The following SNX8 variants were observed in gnomAD, a reference collection of about 807,000 sequenced individuals.
The protein encoded by SNX8 is sorting nexin 8.
SNX8 carries 25 observed loss-of-function variants against 51.6 expected under a neutral mutation model. The ratio of observed to expected loss-of-function variants is 0.48; its 90% CI spans 0.35 to 0.68. The LOEUF (loss-of-function observed/expected upper bound fraction) is 0.68. Among genes scored for constraint, SNX8 ranks in the 30% least tolerant of loss-of-function variants. The pLI is 0.00. For missense variants in SNX8, 695 were observed against 624.0 expected (o/e 1.11, Z -1.21); for synonymous variants, 324 against 277.0 (o/e 1.17, Z -1.68).
chr7:2,348,327 T>A (rs1779072014), intron 1 of SNX8, among the ~76,000 whole-genome samples: 1 of 140,354 alleles, frequency 7.1e-6, no homozygotes, highest in Non-Finnish European at 1.5e-5. Flanking sequence ...ATCTTTTTCT[T>A]TTCTTTCTTT....
chr7:2,267,020 G>A (rs4721527), intron 5 of SNX8, among the ~76,000 whole-genome samples: 47,623 of 152,198 alleles, frequency 0.31, 8,694 homozygotes, highest in East Asian at 0.56. Context: ...CGAGGTGCCT[G>A]GAGGGCCTGA....
At chr7:2,273,829 G>A (rs370628408) in intron 3 of SNX8, among the ~76,000 whole-genome samples, 12 of 151,896 alleles carry the variant, frequency 7.9e-5, no homozygotes, top group African/African-American at 1.9e-4. Flanking sequence ...GCGTGAACCC[G>A]GGAGGCGGAG....
chr7:2,273,584 TCAAAAACAAAAA>T (rs1178218626), intron 3 of SNX8, among the ~76,000 whole-genome samples: 8 of 137,932 alleles, frequency 5.8e-5, no homozygotes, highest in Non-Finnish European at 1.2e-4. Context: ...AGTCTTCGTC[TCAAAAACAAAAA>T]CAAAAACAAA....
chr7:2,321,709 C>T (rs1197145520), intron 1 of SNX8, among the ~76,000 whole-genome samples: 3 of 140,144 alleles, frequency 2.1e-5, no homozygotes, highest in Admixed American at 1.5e-4. Context: ...CCACCGCGCC[C>T]GGCCTTTTTT....
intron 1 of SNX8, among the ~76,000 whole-genome samples, chr7:2,334,525 C>G (rs1025050673): frequency 6.6e-6 from 1 of 151,944 alleles, no homozygotes; most frequent in Non-Finnish European, 1.5e-5. Flanking sequence ...CAGTGAAACA[C>G]TGTCTCTGCT....
chr7:2,346,921 CAAAAA>C (rs758069233), intron 1 of SNX8, among the ~76,000 whole-genome samples: 1 of 49,772 alleles, frequency 2.0e-5, no homozygotes, highest in Non-Finnish European at 5.0e-5. Flanking sequence ...GACTCCGTCT[CAAAAA>C]AAAAAAAAAA....
Position 2,353,350 on chromosome 7 carries a change from C to T in SNX8, c.-66+872G>A, listed in dbSNP as rs576157259. On this transcript the variant is annotated intron_variant, in intron 1 of 5. Coordinates refer to the SNX8 transcript ENST00000435336. ...CAGCGGCGCTGTGATTATGCCACCG[C>T]ACTCTAGCCTGGGCAACAGAGCGAG... 3.3e-5 allele frequency among the ~76,000 whole-genome samples: 5 copies of T among 152,252 alleles called. No individual in the cohort carries two copies. The East Asian group carries it at 9.7e-4, about 29-fold the overall frequency.
chr7:2,264,317 TGAG>T lies in SNX8; in HGVS notation c.760_762del (p.Leu254del). The stretch of plus-strand genomic sequence containing the variant: ...ACCTACCTTAGCTCCTTCCCGAATA[TGAG>T]AAGATCTGCCGCATTGTCGATGGCC... On this transcript the variant is annotated inframe_deletion, in exon 6 of 11. Transcript: ENST00000222990. 1 of 1,611,770 alleles carries T rather than the reference TGAG, an allele frequency of 6.2e-7. No individual in the cohort carries two copies. The highest frequency in any genetic ancestry group is 8.5e-7 in the Non-Finnish European group (1 of 1,178,940).
intron 1 of SNX8, among the ~76,000 whole-genome samples, chr7:2,345,432 C>G (rs1186753330): frequency 6.6e-6 from 1 of 152,046 alleles, no homozygotes; most frequent in Non-Finnish European, 1.5e-5. Context: ...AATCCCAGCA[C>G]TTTGGGAGGC....
intron 1 of SNX8, among the ~76,000 whole-genome samples, chr7:2,331,353 A>C (rs1283551788): frequency 6.6e-6 from 1 of 152,002 alleles, no homozygotes; most frequent in African/African-American, 2.4e-5. Flanking sequence ...AAATTCAATT[A>C]TATTTCTATA....
upstream of SNX8, among the ~76,000 whole-genome samples, chr7:2,315,187 A>T (rs930764827): frequency 2.9e-5 from 4 of 136,316 alleles, no homozygotes; most frequent in Non-Finnish European, 6.2e-5. Flanking sequence ...CACTCACTGC[A>T]TCCTGCATTC....
chr7:2,341,226 TA>T (rs1212663389), intron 1 of SNX8, among the ~76,000 whole-genome samples: 9 of 146,140 alleles, frequency 6.2e-5, no homozygotes, highest in African/African-American at 2.3e-4. Context: ...AGAAAATAAA[TA>T]AAATTGATCA....
intron 1 of SNX8, chr7:2,307,684 G>A (rs887318865): frequency 8.6e-5 from 12 of 140,316 alleles, no homozygotes; most frequent in African/African-American, 1.3e-4. Context: ...GCTGGAGACC[G>A]ACAGCCAGGC....
At chr7:2,302,085 A>T (rs1051099589) in intron 1 of SNX8, among the ~76,000 whole-genome samples, 3 of 151,928 alleles carry the variant, frequency 2.0e-5, no homozygotes, top group African/African-American at 7.3e-5. Flanking sequence ...TATTAAAAAA[A>T]AATACCCTCT....
At chr7:2,274,491 T>C (rs1159674067) in intron 3 of SNX8, among the ~76,000 whole-genome samples, 5 of 152,198 alleles carry the variant, frequency 3.3e-5, no homozygotes, top group African/African-American at 1.2e-4. Context: ...GCAGCCGCCA[T>C]CCCAAGCTCT....
At chr7:2,341,712 G>A (rs928469307) in intron 1 of SNX8, among the ~76,000 whole-genome samples, 4 of 152,124 alleles carry the variant, frequency 2.6e-5, no homozygotes, top group East Asian at 1.9e-4. Flanking sequence ...CATCGGCCAC[G>A]CGCAGTGGCT....
At chr7:2,294,430 T>C (rs1429512906) in intron 1 of SNX8, among the ~76,000 whole-genome samples, 1 of 152,188 alleles carries the variant, frequency 6.6e-6, no homozygotes, top group East Asian at 1.9e-4. Flanking sequence ...TCTGGAAGTC[T>C]ACCGGACACT....
intron 1 of SNX8, among the ~76,000 whole-genome samples, chr7:2,311,558 T>A (rs1449817277): frequency 1.3e-5 from 2 of 151,674 alleles, no homozygotes; most frequent in East Asian, 2.0e-4. Context: ...GCCCACCCAA[T>A]CAGGGTCCCC....
intron 1 of SNX8, among the ~76,000 whole-genome samples, chr7:2,313,861 G>A (rs1380335348): frequency 6.6e-6 from 1 of 152,166 alleles, no homozygotes; most frequent in Non-Finnish European, 1.5e-5. Flanking sequence ...TGAAATTACT[G>A]GCCCAAGACC....
Sources: gnomAD v4.1 joint callset for allele counts (sites outside exome capture counted in the v4.1 genomes callset) on GRCh38, gnomAD v4.1.1 for gene constraint, MANE v1.5 for transcripts, NCBI Gene and HGNC (gene_info 2026-07-23, HGNC 2026-07-21) for gene names.